The following PRDM12 variants were observed in gnomAD, a reference collection of about 807,000 sequenced individuals.
The protein encoded by PRDM12 is PR domain zinc finger protein 12.
PRDM12 carries 17 observed loss-of-function variants against 29.6 expected under a neutral mutation model. The observed-to-expected ratio is 0.57, with a 90% CI of 0.39 to 0.86. The LOEUF is 0.86. PRDM12 is among the 40% of genes least tolerant of loss of function. The probability of loss-of-function intolerance (pLI) is 0.00; values close to 1 mark genes in which losing one functional copy is unlikely to be tolerated. For missense variants in PRDM12, 422 were observed against 510.8 expected (o/e 0.83, Z 1.68); for synonymous variants, 231 against 225.8 (o/e 1.02, Z -0.21).
chr9:130,680,406 G>A lies in PRDM12; in HGVS notation c.683-842G>A, dbSNP rs561410894. ...TCCCAGCACTTTGGGAGGCCGAGGT[G>A]GGTGGATCTCGAGGTCAAGAGATCG... On this transcript the variant is annotated intron_variant, in intron 4 of 4. Coordinates refer to ENST00000253008, the MANE Select transcript of PRDM12 (RefSeq NM_021619.3). Among the ~76,000 whole-genome samples, 3 of 151,732 alleles carry A rather than the reference G, an allele frequency of 2.0e-5. No individual in the cohort carries two copies. The East Asian group carries it at 5.9e-4, about 30-fold the overall frequency.
At position 130,668,919 on chromosome 9, in the gene PRDM12, C is replaced by T. The variant is rs986139461; in HGVS notation, c.570+606C>T. Among the ~76,000 whole-genome samples the T allele has an allele frequency of 6.6e-6, 1 of 152,112 alleles. No homozygotes were observed. On this transcript the variant is annotated intron_variant, in intron 3 of 4. Coordinates refer to ENST00000253008, the MANE Select transcript of PRDM12 (RefSeq NM_021619.3). The surrounding 1 kb of genome is among the most constrained non-coding windows in gnomAD (Gnocchi z 4.0). Reference sequence around the variant, plus strand: ...TTTACTGACCAGAAAACCAGGTCTCCCTCGGTGGCAGCAGACTTGGGGGTT... The same window carrying T: ...TTTACTGACCAGAAAACCAGGTCTCTCTCGGTGGCAGCAGACTTGGGGGTT...
chr9:130,677,777 T>C (rs562527556), intron 3 of PRDM12, among the ~76,000 whole-genome samples: 3 of 152,284 alleles, frequency 2.0e-5, no homozygotes, highest in Non-Finnish European at 4.4e-5. Context: ...CCCTGGATCA[T>C]CACTGCAAAA....
chr9:130,673,577 T>A (rs1451592700), intron 3 of PRDM12, among the ~76,000 whole-genome samples: 1 of 151,668 alleles, frequency 6.6e-6, no homozygotes, highest in African/African-American at 2.4e-5. Context: ...AACCTCCACC[T>A]CCTGGGTTCA....
At chr9:130,672,277 C>T (rs1830795888) in intron 3 of PRDM12, among the ~76,000 whole-genome samples, 1 of 152,220 alleles carries the variant, frequency 6.6e-6, no homozygotes. Flanking sequence ...TCTTGGCTCA[C>T]TGCAACCCCT....
At chr9:130,671,674 C>G (rs1440397517) in intron 3 of PRDM12, among the ~76,000 whole-genome samples, 1 of 152,166 alleles carries the variant, frequency 6.6e-6, no homozygotes, top group Non-Finnish European at 1.5e-5. Flanking sequence ...GGCCGAGGCC[C>G]AGAGCTCATG....
rs765417007 is a variant in PRDM12, at chr9:130,668,345, G to A, written c.570+32G>A. 9.3e-6 allele frequency: 15 copies of A among 1,606,292 alleles called. No homozygotes were observed. Among genetic ancestry groups the A allele is most frequent in the Non-Finnish European group, 1.2e-5 (14 of 1,175,128 alleles). ...GTGTGTGTGTGCACTGTTGTGTAGG[G>A]ACCAGCCGGTAAACCCGGCGGGGGG... On this transcript the variant is annotated intron_variant, in intron 3 of 4. Transcript: ENST00000253008. This position sits in a 1 kb window ranked among gnomAD's most constrained non-coding sequence, Gnocchi z 4.0.
chr9:130,682,062 C>T lies in PRDM12; in HGVS notation c.*393C>T, dbSNP rs1830910642. 6.6e-6 allele frequency: 1 copy of T among 151,898 alleles called. No homozygotes were observed. Among genetic ancestry groups the T allele is most frequent in the South Asian group, 2.1e-4 (1 of 4,792 alleles). 9.4% of individuals were successfully genotyped at this position (151,898 alleles called of 1,614,324 possible). On this transcript the variant is annotated 3_prime_UTR_variant, in exon 5 of 5. Coordinates refer to ENST00000253008, the MANE Select transcript of PRDM12 (RefSeq NM_021619.3). This position sits in a 1 kb window ranked among gnomAD's most constrained non-coding sequence, Gnocchi z 4.2. Reference sequence around the variant, plus strand: ...CTCAGCAGAGGAAGGGGAGTCCCCTCCTCCGCCACCGAGAGTCCTGTGCTT... The same window carrying T: ...CTCAGCAGAGGAAGGGGAGTCCCCTTCTCCGCCACCGAGAGTCCTGTGCTT...
intron 3 of PRDM12, among the ~76,000 whole-genome samples, chr9:130,669,764 C>T (rs536945446): frequency 2.8e-4 from 40 of 143,256 alleles, no homozygotes; most frequent in Non-Finnish European, 5.4e-4. Context: ...TGCAGTGAGC[C>T]GAGATGGCAC....
At chr9:130,680,597 G>A (rs1830884585) in intron 4 of PRDM12, among the ~76,000 whole-genome samples, 1 of 138,348 alleles carries the variant, frequency 7.2e-6, no homozygotes, top group Non-Finnish European at 1.5e-5. Flanking sequence ...CTGCACTCCA[G>A]CCTGGAGACA....
At chr9:130,676,155 C>T (rs1830839974) in intron 3 of PRDM12, among the ~76,000 whole-genome samples, 1 of 152,018 alleles carries the variant, frequency 6.6e-6, no homozygotes, top group Admixed American at 6.6e-5. Context: ...CCTTCCACCC[C>T]AGTGAGGTCT....
intron 3 of PRDM12, among the ~76,000 whole-genome samples, chr9:130,674,712 G>A (rs1342773460): frequency 6.6e-6 from 1 of 152,122 alleles, no homozygotes; most frequent in Non-Finnish European, 1.5e-5. Context: ...GTGGCAGAGA[G>A]TGACTGCTCA....
In PRDM12 at chr9:130,664,947, C is replaced by A; in HGVS notation, c.223+71C>A. On this transcript the variant is annotated intron_variant, in intron 1 of 4. Transcript: ENST00000253008. This position sits in a 1 kb window ranked among gnomAD's most constrained non-coding sequence, Gnocchi z 6.4. The stretch of plus-strand genomic sequence containing the variant: ...CCCCCATTCCCGTCCTGGCGATGCG[C>A]GAGACGCGGCTGGGATACCCGGCCT... The A allele has an allele frequency of 7.1e-7, 1 of 1,403,708 alleles. No individual in the cohort carries two copies. Among genetic ancestry groups the A allele is most frequent in the South Asian group, 1.4e-5 (1 of 72,154 alleles). The allele number at this position is 1,403,708 out of a possible 1,614,324, so 87.0% of individuals were successfully genotyped here.
At chr9:130,665,457 C>G (rs1004941383) in intron 1 of PRDM12, among the ~76,000 whole-genome samples, 1 of 152,166 alleles carries the variant, frequency 6.6e-6, no homozygotes, top group Non-Finnish European at 1.5e-5. Flanking sequence ...TTCCCTGGCT[C>G]TGGCATCTCT....
intron 4 of PRDM12, among the ~76,000 whole-genome samples, chr9:130,680,659 ATTT>A (rs767033169): frequency 0.025 from 1,831 of 72,148 alleles, 107 homozygotes; most frequent in African/African-American, 0.11. Context: ...ATATATATAT[ATTT>A]TTTTTTTTTT....
intron 4 of PRDM12, among the ~76,000 whole-genome samples, chr9:130,680,659 A>ATATATATATTTTT: frequency 4.7e-4 from 34 of 72,162 alleles, no homozygotes; most frequent in African/African-American, 2.1e-3. Flanking sequence ...ATATATATAT[A>ATATATATATTTTT]TTTTTTTTTT....
chr9:130,667,307 C>G (rs1269826970), intron 2 of PRDM12, among the ~76,000 whole-genome samples: 1 of 152,172 alleles, frequency 6.6e-6, no homozygotes, highest in Non-Finnish European at 1.5e-5. Context: ...TTCTGTGTCC[C>G]CAGCCTGCAG....
chr9:130,664,791 G>A lies in PRDM12; in HGVS notation c.138G>A (p.Gly46=), dbSNP rs758857274. 4.4e-6 allele frequency: 7 copies of A among 1,597,222 alleles called. No homozygotes were observed. The highest frequency in any genetic ancestry group is 6.0e-6 in the Non-Finnish European group (7 of 1,173,556). ...ACGGCCGCTGGCGCAACGTGCTCGG[G>A]GAGCAGCTCTTCGAGGACAAGAGCC... The part of the protein sequence containing the change: ...FLYGRWRNVL[G]EQLFEDKSHH... The change falls in exon 1 of 5, where the codon GGG becomes GGA. Residue 46 remains glycine (G), a synonymous_variant. Coordinates refer to ENST00000253008, the MANE Select transcript of PRDM12 (RefSeq NM_021619.3). The surrounding 1 kb of genome is among the most constrained non-coding windows in gnomAD (Gnocchi z 6.4).
At chr9:130,670,033 C>A (rs2132593846) in intron 3 of PRDM12, among the ~76,000 whole-genome samples, 1 of 151,992 alleles carries the variant, frequency 6.6e-6, no homozygotes, top group Middle Eastern at 3.4e-3. Context: ...CCAGGGCAGG[C>A]CCACACTGGG....
At chr9:130,677,204 C>T (rs769209503) in intron 3 of PRDM12, among the ~76,000 whole-genome samples, 5 of 152,242 alleles carry the variant, frequency 3.3e-5, no homozygotes, top group Non-Finnish European at 5.9e-5. Context: ...GGATTACAGG[C>T]ATGAGCCACC....
Sources: allele counts gnomAD v4.1 joint callset (sites outside exome capture counted in the v4.1 genomes callset), GRCh38; gene constraint gnomAD v4.1.1; non-coding constraint Gnocchi (gnomAD v3.1); transcripts MANE v1.5; gene names NCBI Gene and HGNC (gene_info 2026-07-23, HGNC 2026-07-21).